PARP6: variants seen among roughly 807,000 people sequenced by gnomAD.
PARP6 encodes protein mono-ADP-ribosyltransferase PARP6.
Under a neutral mutation model 92.0 loss-of-function variants are expected in PARP6, and 27 were observed. The observed-to-expected ratio is 0.29, with a 90% CI of 0.22 to 0.40. The LOEUF is 0.40. Among genes scored for constraint, PARP6 ranks in the 10% least tolerant of loss-of-function variants. The pLI is 1.00. For synonymous variants in PARP6, 272 were observed against 281.2 expected (o/e 0.97, Z 0.33); for missense variants, 501 against 784.5 (o/e 0.64, Z 4.32).
intron 10 of PARP6, 146 bp downstream of exon 10, chr15:72,260,332 C>T (rs2085697367): frequency 1.5e-6 from 1 of 652,040 alleles, no homozygotes; most frequent in South Asian, 1.9e-5. Context: ...AAGAAGTGTT[C>T]CATTCTACTC....
chr15:72,261,162 C>G (rs2085832285), intron 9 of PARP6, among the ~76,000 whole-genome samples: 1 of 152,122 alleles, frequency 6.6e-6, no homozygotes, highest in African/African-American at 2.4e-5. Flanking sequence ...TCAGAAGACA[C>G]CACAGGGGGA....
rs117875687 is a variant in PARP6, at chr15:72,261,285, A to G, written c.545+273T>C. ...TTAGGATGGGGAAACGGATCAGGAC[A>G]AAAGAACAGAAAGATGGAAGATTCA... On this transcript the variant is annotated intron_variant, in intron 9 of 23. Transcript: ENST00000569795. 3.3e-3 allele frequency among the ~76,000 whole-genome samples: 498 copies of G among 152,368 alleles called. 3 individuals are homozygous for G. Among genetic ancestry groups the G allele is most frequent in the Non-Finnish European group, 5.5e-3 (372 of 68,044 alleles).
intron 11 of PARP6, among the ~76,000 whole-genome samples, chr15:72,259,250 T>C (rs2085529565): frequency 6.6e-6 from 1 of 152,192 alleles, no homozygotes; most frequent in Non-Finnish European, 1.5e-5. Flanking sequence ...CAGTAGTAGC[T>C]GAGCAGTGAA....
intron 2 of PARP6, among the ~76,000 whole-genome samples, chr15:72,269,289 T>G (rs962763772): frequency 3.3e-5 from 5 of 152,118 alleles, no homozygotes; most frequent in Non-Finnish European, 7.4e-5. Flanking sequence ...GCCTCCCACG[T>G]AGCTGGGATT....
intron 11 of PARP6, 37 bp from the exon 12 acceptor site, chr15:72,258,169 C>G: frequency 7.1e-7 from 1 of 1,412,156 alleles, no homozygotes; most frequent in Non-Finnish European, 1.0e-6. Context: ...TTTGGAAGTA[C>G]TGGCACACAC....
intron 15 of PARP6, 45 bp downstream of exon 15, chr15:72,254,410 G>C: frequency 7.4e-7 from 1 of 1,359,158 alleles, no homozygotes; most frequent in Non-Finnish European, 1.1e-6. Context: ...TAGGACACTT[G>C]AACTGGGCAG....
chr15:72,264,434 T>C, intron 8 of PARP6, 121 bp downstream of exon 8: 2 of 744,048 alleles, frequency 2.7e-6, no homozygotes, highest in Non-Finnish European at 2.3e-6. Context: ...CCTGGGCATA[T>C]TTCAGAAAGA....
At position 72,260,506 on chromosome 15, in the gene PARP6, A is replaced by G; in HGVS notation, c.728T>C (p.Leu243Pro). The change falls in exon 10 of 24, where the codon CTC (leucine) becomes CCC (proline). Residue 243 changes from leucine (L) to proline (P), a missense_variant. Leu to Pro is a moderately conservative substitution (Grantham distance 98, BLOSUM62 -3). Transcript: ENST00000569795. ...AGLLCPQHVGLPPPARTSPLV... is the reference protein window; with the variant it reads ...AGLLCPQHVGPPPPARTSPLV... ...AGGAGAGGTCCGTGCTGGGGGAGGG[A>G]GGCCCACGTGCTGAGGGCACAGGAG... 2 of 1,614,102 alleles carry G rather than the reference A, an allele frequency of 1.2e-6. No homozygotes were observed. Among genetic ancestry groups the G allele is most frequent in the Non-Finnish European group, 1.7e-6 (2 of 1,179,952 alleles).
chr15:72,267,368 ATCT>A, intron 3 of PARP6, 104 bp downstream of exon 3: 1 of 1,242,296 alleles, frequency 8.0e-7, no homozygotes, highest in East Asian at 2.3e-5. Flanking sequence ...TAGCCACTCT[ATCT>A]TCCAAAAGGG....
chr15:72,260,218 C>A (rs2085677331), intron 10 of PARP6, among the ~76,000 whole-genome samples: 2 of 152,152 alleles, frequency 1.3e-5, no homozygotes, highest in South Asian at 4.1e-4. Context: ...ACTTGACAGG[C>A]TGAGGTAGGA....
chr15:72,257,930 G>A (rs2085341923), intron 12 of PARP6, 107 bp downstream of exon 12: 2 of 802,602 alleles, frequency 2.5e-6, no homozygotes, highest in Middle Eastern at 2.3e-4. Flanking sequence ...GTATCAGGGT[G>A]TACAGACAGA....
intron 8 of PARP6, among the ~76,000 whole-genome samples, chr15:72,262,843 T>C (rs1470948073): frequency 6.6e-6 from 1 of 152,176 alleles, no homozygotes; most frequent in Non-Finnish European, 1.5e-5. Context: ...ACCCTGCTGG[T>C]TTCTTTGGGA....
chr15:72,269,426 G>T lies in PARP6; in HGVS notation c.-195+1597C>A, dbSNP rs145674895. 9.9e-3 allele frequency among the ~76,000 whole-genome samples: 1,499 copies of T among 152,096 alleles called. 25 individuals carry two copies. The highest frequency in any genetic ancestry group is 0.034 in the African/African-American group (1,413 of 41,496). On this transcript the variant is annotated intron_variant, in intron 2 of 23. Coordinates refer to ENST00000569795, the MANE Select transcript of PARP6 (RefSeq NM_001323532.2). ...TCCACCCGCCTCGGCCTCCCAAAGT[G>T]TTGGGATTACAGATGTGAGCCACTG... is the stretch of plus-strand genomic sequence containing the variant.
chr15:72,265,516 G>GA, intron 5 of PARP6, 43 bp from the exon 6 acceptor site: 2 of 1,431,096 alleles, frequency 1.4e-6, no homozygotes, highest in Non-Finnish European at 2.0e-6. Context: ...CATTAAGGGA[G>GA]AAAGAAGGGA....
At chr15:72,255,784 C>CT (rs67560148) in intron 14 of PARP6, among the ~76,000 whole-genome samples, 20 of 92,864 alleles carry the variant, frequency 2.2e-4, no homozygotes, top group African/African-American at 7.9e-4. Context: ...TTACTTCTCT[C>CT]TTTTTTTTTT....
rs924597986 is a variant in PARP6 at position 72,267,568 on chromosome 15, T to A, written c.-91A>T. On this transcript the variant is annotated 5_prime_UTR_variant, in exon 3 of 24. Transcript: ENST00000569795. Reference sequence around the variant, plus strand: ...AACCAAGGCCAACGAGATGGGCATTTAGGAGACCACAAAGGGAGACAAGGT... The same window carrying A: ...AACCAAGGCCAACGAGATGGGCATTAAGGAGACCACAAAGGGAGACAAGGT... 7.2e-7 allele frequency: 1 copy of A among 1,387,992 alleles called. No homozygotes were observed. Among genetic ancestry groups the A allele is most frequent in the Non-Finnish European group, 1.0e-6 (1 of 974,542 alleles). 86.0% of individuals were successfully genotyped at this position (1,387,992 alleles called of 1,614,324 possible). A position where few individuals can be genotyped will look rare whatever the true frequency, so the allele number is the denominator to read the frequency against.
chr15:72,256,595 G>C lies in PARP6; in HGVS notation c.1000-5C>G. 1.3e-6 allele frequency: 2 copies of C among 1,531,576 alleles called. No homozygotes were observed. The highest frequency in any genetic ancestry group is 1.7e-6 in the Non-Finnish European group (2 of 1,144,010). 94.9% of individuals were successfully genotyped at this position (1,531,576 alleles called of 1,614,324 possible). A position where few individuals can be genotyped will look rare whatever the true frequency, so the allele number is the denominator to read the frequency against. On this transcript the variant is annotated splice_polypyrimidine_tract_variant and splice_region_variant and intron_variant, in intron 13 of 23. Coordinates refer to ENST00000569795, the MANE Select transcript of PARP6 (RefSeq NM_001323532.2). ...GGCCACCAGCAGATCCACCACCTTA[G>C]GGGAAAGGAAAAAAAACAGGGCAGA... is the stretch of plus-strand genomic sequence containing the variant.
In PARP6 at chr15:72,256,648, TCAGAGTA is replaced by T. The variant is rs2085175205; in HGVS notation, c.1000-65_1000-59del. The T allele has an allele frequency of 9.0e-6, 12 of 1,337,180 alleles. No homozygotes were observed. The South Asian group carries it at 2.3e-4, about 26-fold the overall frequency. The allele number at this position is 1,337,180 out of a possible 1,614,324, so 82.8% of individuals were successfully genotyped here. A position where few individuals can be genotyped will look rare whatever the true frequency, so the allele number is the denominator to read the frequency against. The stretch of plus-strand genomic sequence containing the variant: ...CTAAATGATTTCCCAGTACTGGGAG[TCAGAGTA>T]CCCAGTATTTCTCTCTGATGTTCTT... On this transcript the variant is annotated intron_variant, in intron 13 of 23. Coordinates refer to ENST00000569795, the MANE Select transcript of PARP6 (RefSeq NM_001323532.2).
At chr15:72,270,600 A>G (rs2087275567) in intron 2 of PARP6, among the ~76,000 whole-genome samples, 1 of 152,090 alleles carries the variant, frequency 6.6e-6, no homozygotes, top group African/African-American at 2.4e-5. Flanking sequence ...CCCGCCATAG[A>G]GCCTTTGTCC....
Sources: allele counts gnomAD v4.1 joint callset (sites outside exome capture counted in the v4.1 genomes callset), GRCh38; gene constraint gnomAD v4.1.1; transcripts MANE v1.5; gene names NCBI Gene and HGNC (gene_info 2026-07-23, HGNC 2026-07-21).